The following MYLK3 variants were observed in gnomAD, a reference collection of about 807,000 sequenced individuals.
MYLK3 encodes MLC kinase.
A neutral mutation model predicts 76.3 loss-of-function variants in MYLK3; 55 were observed. The ratio of observed to expected loss-of-function variants is 0.72; its 90% CI spans 0.58 to 0.90. The LOEUF (loss-of-function observed/expected upper bound fraction) is 0.90, where lower values mean the gene tolerates loss of function less well. MYLK3 is among the 40% of genes least tolerant of loss of function. The pLI is 0.00. For missense variants in MYLK3, 973 were observed against 1,053.6 expected (o/e 0.92, Z 1.06); for synonymous variants, 416 against 425.4 (o/e 0.98, Z 0.27).
chr16:46,738,129 C>T lies in MYLK3; in HGVS notation c.583G>A (p.Asp195Asn). ...REPGEESQKA[D>N]VLEGTAERLP... is the part of the protein sequence containing the mutation. Reference sequence around the variant, plus strand: ...CTCTCCGCTGTCCCCTCCAGCACGTCCGCCTTCTGGCTCTCTACAGGAAAA... The same window carrying T: ...CTCTCCGCTGTCCCCTCCAGCACGTTCGCCTTCTGGCTCTCTACAGGAAAA... Residue 195 changes from aspartate (D) to asparagine (N), a missense_variant, in exon 3 of 13, where the codon GAC (aspartate) becomes AAC (asparagine). Physicochemically the swap from Asp to Asn is conservative, Grantham distance 23. Around this residue, in one of 2 missense-constraint regions of MYLK3, gnomAD observed 641 missense variants for 637.0 expected, o/e 1.01. Coordinates refer to ENST00000394809, the MANE Select transcript of MYLK3 (RefSeq NM_182493.3). 6.5e-7 allele frequency: 1 copy of T among 1,542,134 alleles called. No individual in the cohort carries two copies. The highest frequency in any genetic ancestry group is 8.7e-7 in the Non-Finnish European group (1 of 1,146,100).
chr16:46,727,168 C>T (rs532437652), intron 8 of MYLK3, 68 bp downstream of exon 8: 4 of 1,554,528 alleles, frequency 2.6e-6, no homozygotes, highest in African/African-American at 2.7e-5. Context: ...ATAGAGCTCT[C>T]AATGGTGAGA....
intron 1 of MYLK3, among the ~76,000 whole-genome samples, chr16:46,755,220 C>G (rs1383981851): frequency 6.6e-6 from 1 of 152,074 alleles, no homozygotes; most frequent in Non-Finnish European, 1.5e-5. Flanking sequence ...TCTAAGGAAG[C>G]TGCTTTGACG....
chr16:46,732,404 G>A lies in MYLK3; in HGVS notation c.1266C>T (p.Ala422=), dbSNP rs550746703. ...VKAEEEQRAG[A]EPGTRPSLAR... is the part of the protein sequence containing the mutation. ...CCAAGCTTGGTCTCGTGCCAGGCTCGGCCCCAGCCCTTTGCTCCTCCTCTG... is the reference window on the plus strand; with the variant it reads ...CCAAGCTTGGTCTCGTGCCAGGCTCAGCCCCAGCCCTTTGCTCCTCCTCTG... Residue 422 remains alanine (A), a synonymous_variant, in exon 4 of 13, where the codon GCC becomes GCT. Transcript: ENST00000394809. 193 of 1,613,562 alleles carry A rather than the reference G, an allele frequency of 1.2e-4. 2 individuals carry two copies. In the South Asian group the frequency reaches 1.8e-3, roughly 15 times the overall value.
chr16:46,749,609 C>A (rs900988046), upstream of MYLK3, among the ~76,000 whole-genome samples: 3 of 152,108 alleles, frequency 2.0e-5, no homozygotes, highest in African/African-American at 7.2e-5. Context: ...ATAAGCCAGG[C>A]GTGGTGGCAC....
intron 3 of MYLK3, among the ~76,000 whole-genome samples, chr16:46,735,754 C>A (rs149925878): frequency 3.5e-4 from 54 of 152,298 alleles, no homozygotes; most frequent in Non-Finnish European, 6.8e-4. Flanking sequence ...AGGCCTCCTG[C>A]CAGACCAAGG....
chr16:46,729,364 T>G (rs1966848073), intron 6 of MYLK3, among the ~76,000 whole-genome samples: 1 of 152,140 alleles, frequency 6.6e-6, no homozygotes, highest in Non-Finnish European at 1.5e-5. Flanking sequence ...AGGACCTTCT[T>G]GCCCCAGGCC....
Position 46,703,833 on chromosome 16 carries a change from CT to C in MYLK3, c.*3870del, listed in dbSNP as rs1310134577. ...ATACAGGATTCTCTCTAGATCTGCC[CT>C]GTCCAATATAGATGCCACTAACCAC... On this transcript the variant is annotated 3_prime_UTR_variant, in exon 13 of 13. Coordinates refer to ENST00000394809, the MANE Select transcript of MYLK3 (RefSeq NM_182493.3). The C allele has an allele frequency of 1.3e-5, 2 of 153,726 alleles. No homozygotes were observed. Among genetic ancestry groups the C allele is most frequent in the African/African-American group, 2.4e-5 (1 of 41,436 alleles). The allele number at this position is 153,726 out of a possible 1,614,324, so 9.5% of individuals were successfully genotyped here. A position where few individuals can be genotyped will look rare whatever the true frequency, so the allele number is the denominator to read the frequency against.
chr16:46,746,585 A>G (rs916271135), intron 1 of MYLK3, among the ~76,000 whole-genome samples: 1 of 151,974 alleles, frequency 6.6e-6, no homozygotes, highest in Admixed American at 6.6e-5. Flanking sequence ...AATGCCTGGT[A>G]AATTTATTTA....
chr16:46,758,442 G>T (rs965144036), intron 1 of MYLK3, among the ~76,000 whole-genome samples: 1 of 152,086 alleles, frequency 6.6e-6, no homozygotes, highest in Non-Finnish European at 1.5e-5. Context: ...GAGCGCTTTG[G>T]CTGCCTCTCC....
intron 12 of MYLK3, 85 bp downstream of exon 12, chr16:46,709,454 A>AG: frequency 6.8e-7 from 1 of 1,465,580 alleles, no homozygotes; most frequent in East Asian, 2.3e-5. Context: ...AAAAAAAAAA[A>AG]AAGAAAAGGA....
chr16:46,755,674 G>T (rs2143018218), intron 1 of MYLK3, among the ~76,000 whole-genome samples: 1 of 152,218 alleles, frequency 6.6e-6, no homozygotes, highest in Middle Eastern at 3.4e-3. Context: ...CCAGAGCCAT[G>T]GGCCATTGTT....
upstream of MYLK3, among the ~76,000 whole-genome samples, chr16:46,753,062 G>A (rs1967147603): frequency 6.6e-6 from 1 of 152,144 alleles, no homozygotes; most frequent in Admixed American, 6.5e-5. Context: ...GAATTTCTAG[G>A]AGATAGAAAA....
At chr16:46,712,559 C>T in intron 10 of MYLK3, 89 bp downstream of exon 10, 2 of 1,294,044 alleles carry the variant, frequency 1.5e-6, no homozygotes, top group Non-Finnish European at 2.0e-6. Context: ...AAATAGACTA[C>T]TTGTGCTCAA....
upstream of MYLK3, among the ~76,000 whole-genome samples, chr16:46,751,641 A>T (rs1001223926): frequency 6.6e-6 from 1 of 152,140 alleles, no homozygotes; most frequent in African/African-American, 2.4e-5. Flanking sequence ...GGCTGAGCAG[A>T]CCGTCCTGAG....
intron 11 of MYLK3, 103 bp downstream of exon 11, chr16:46,710,534 T>C (rs1966671653): frequency 2.3e-6 from 3 of 1,299,254 alleles, no homozygotes; most frequent in Non-Finnish European, 3.2e-6. Flanking sequence ...TGAATGGAAT[T>C]TGTCCACAGG....
At chr16:46,724,613 A>G (rs780462481) in intron 8 of MYLK3, among the ~76,000 whole-genome samples, 4 of 152,252 alleles carry the variant, frequency 2.6e-5, no homozygotes, top group Non-Finnish European at 5.9e-5. Context: ...CCATAAATGT[A>G]ATGGTTTATG....
chr16:46,714,660 A>C (rs1966719181), intron 9 of MYLK3, among the ~76,000 whole-genome samples: 1 of 152,138 alleles, frequency 6.6e-6, no homozygotes, highest in Non-Finnish European at 1.5e-5. Flanking sequence ...CCACAGCCAC[A>C]CCTCGTGTCA....
chr16:46,719,535 G>A (rs1332793300), intron 9 of MYLK3, among the ~76,000 whole-genome samples: 5 of 152,100 alleles, frequency 3.3e-5, no homozygotes, highest in Non-Finnish European at 5.9e-5. Flanking sequence ...CATGCATGCC[G>A]TGGGCAGGAG....
At chr16:46,727,492 A>G (rs541798286) in intron 7 of MYLK3, 115 bp from the exon 8 acceptor site, 2 of 1,159,740 alleles carry the variant, frequency 1.7e-6, no homozygotes, top group East Asian at 2.6e-5. Flanking sequence ...ATCACACCCC[A>G]TGGGTCACAG....
Sources: gnomAD v4.1 joint callset for allele counts (sites outside exome capture counted in the v4.1 genomes callset) on GRCh38, gnomAD v4.1.1 for gene constraint, gnomAD v4.1.1 regional missense constraint, MANE v1.5 for transcripts, NCBI Gene and HGNC (gene_info 2026-07-23, HGNC 2026-07-21) for gene names.